Variants in ZSCAN25 observed in about 807,000 individuals in gnomAD.
ZSCAN25 encodes zinc finger and SCAN domain-containing protein 25.
A neutral mutation model predicts 38.7 loss-of-function variants in ZSCAN25; 27 were observed. The ratio of observed to expected loss-of-function variants is 0.70; its 90% CI spans 0.51 to 0.96. The LOEUF is 0.96. Among genes scored for constraint, ZSCAN25 ranks in the 40% least tolerant of loss-of-function variants. The pLI is 0.00. For missense variants in ZSCAN25, 637 were observed against 705.9 expected, an observed-to-expected ratio of 0.90 and a Z score of 1.11; for synonymous variants, 273 against 277.7, an observed-to-expected ratio of 0.98 and a Z score of 0.17.
chr7:99,708,968 G>T, the ZSCAN25 span: 4 of 1,558,556 alleles, frequency 2.6e-6, no homozygotes, highest in Non-Finnish European at 3.5e-6. Flanking sequence ...AGACTGTCCT[G>T]TAGAGAGGCA....
chr7:99,720,369 C>G, the ZSCAN25 span: 1 of 1,613,704 alleles, frequency 6.2e-7, no homozygotes. Context: ...TTGATCATGT[C>G]GGGATCTGTG....
chr7:99,648,957 C>T, the ZSCAN25 span, among the ~76,000 whole-genome samples: 14 of 152,136 alleles, frequency 9.2e-5, no homozygotes, highest in South Asian at 1.5e-3. Flanking sequence ...GGCTTCCAAG[C>T]GTAGTGCAAA....
the ZSCAN25 span, among the ~76,000 whole-genome samples, chr7:99,670,261 C>T: frequency 5.9e-3 from 891 of 152,236 alleles, 5 homozygotes; most frequent in Non-Finnish European, 9.0e-3. Context: ...GTGGGTTTGA[C>T]GGCCCATTTA....
chr7:99,688,829 A>G, the ZSCAN25 span, among the ~76,000 whole-genome samples: 1 of 152,268 alleles, frequency 6.6e-6, no homozygotes, highest in Non-Finnish European at 1.5e-5. Context: ...CTCAGACCAC[A>G]GTGCAATCAA....
chr7:99,630,789 C>G lies in ZSCAN25; in HGVS notation c.*769C>G, dbSNP rs566361939. The G allele has an allele frequency of 1.0e-6, 1 of 985,430 alleles. No individual in the cohort carries two copies. Among genetic ancestry groups the G allele is most frequent in the South Asian group, 4.7e-5 (1 of 21,288 alleles). The allele number at this position is 985,430 out of a possible 1,614,324, so 61.0% of individuals were successfully genotyped here. On this transcript the variant is annotated 3_prime_UTR_variant, in exon 8 of 8. Coordinates refer to ENST00000394152, the MANE Select transcript of ZSCAN25 (RefSeq NM_145115.3). ...TTCCTTGCACTATAACAACTGTCAA[C>G]ACACCAACTATTAGGAAGTTAGTAT...
chr7:99,671,561 A>T, the ZSCAN25 span: 1 of 378,124 alleles, frequency 2.6e-6, no homozygotes. Context: ...CCTTGATCTA[A>T]ATCTCATAAC....
the ZSCAN25 span, chr7:99,652,498 A>T: frequency 8.3e-7 from 1 of 1,200,366 alleles, no homozygotes; most frequent in Non-Finnish European, 1.2e-6. Context: ...GAGAGGCAGA[A>T]TATGCTTGAA....
chr7:99,624,326 G>A (rs567212243), intron 7 of ZSCAN25, 146 bp downstream of exon 7: 10 of 898,502 alleles, frequency 1.1e-5, no homozygotes, highest in African/African-American at 1.7e-5. Flanking sequence ...CATGGGGCAC[G>A]AGGAGCTGCT....
chr7:99,629,755 A>T lies in ZSCAN25; in HGVS notation c.1370A>T (p.Lys457Met). The T allele has an allele frequency of 6.2e-7, 1 of 1,614,226 alleles. No individual in the cohort carries two copies. Among genetic ancestry groups the T allele is most frequent in the Non-Finnish European group, 8.5e-7 (1 of 1,180,032 alleles). ...QVHRRTHTGE[K>M]PYTCECGKSF... Reference sequence around the variant, plus strand: ...CACCGGAGGACGCACACCGGGGAGAAGCCCTACACCTGCGAGTGTGGCAAG... The same window carrying T: ...CACCGGAGGACGCACACCGGGGAGATGCCCTACACCTGCGAGTGTGGCAAG... The change falls in exon 8 of 8, where the codon AAG (lysine) becomes ATG (methionine). Residue 457 changes from lysine (K) to methionine (M), a missense_variant. Physicochemically the swap from Lys to Met is moderately conservative, Grantham distance 95. Transcript: ENST00000394152. The surrounding 1 kb of genome is among the most constrained non-coding windows in gnomAD (Gnocchi z 5.6).
chr7:99,678,105 A>T, the ZSCAN25 span, among the ~76,000 whole-genome samples: 2 of 151,910 alleles, frequency 1.3e-5, no homozygotes, highest in African/African-American at 4.8e-5. Context: ...GCATTTTCTG[A>T]CTCCTGGGCT....
At chr7:99,708,093 G>C in the ZSCAN25 span, 27 of 1,422,500 alleles carry the variant, frequency 1.9e-5, no homozygotes, top group Non-Finnish European at 2.5e-5. Context: ...ATACTTTTGT[G>C]GGCTAGTCAC....
At chr7:99,733,549 T>C in the ZSCAN25 span, among the ~76,000 whole-genome samples, 1 of 152,192 alleles carries the variant, frequency 6.6e-6, no homozygotes, top group African/African-American at 2.4e-5. Flanking sequence ...GGCTAAGGTA[T>C]TGTCTGCCTG....
At chr7:99,718,570 C>G in the ZSCAN25 span, among the ~76,000 whole-genome samples, 2 of 152,290 alleles carry the variant, frequency 1.3e-5, no homozygotes, top group Non-Finnish European at 2.9e-5. Flanking sequence ...AAAAAACCCA[C>G]TTCATCTAAA....
At chr7:99,709,189 A>G in the ZSCAN25 span, 1 of 1,614,046 alleles carries the variant, frequency 6.2e-7, no homozygotes, top group Non-Finnish European at 8.5e-7. Flanking sequence ...GCAACTGGGA[A>G]TAATCTGAGT....
chr7:99,698,802 T>C, the ZSCAN25 span, among the ~76,000 whole-genome samples: 2 of 152,270 alleles, frequency 1.3e-5, no homozygotes, highest in Non-Finnish European at 2.9e-5. Flanking sequence ...TCCAAAAAAT[T>C]CTGATTTAAA....
At chr7:99,652,734 T>C in the ZSCAN25 span, 2 of 1,613,994 alleles carry the variant, frequency 1.2e-6, no homozygotes, top group African/African-American at 1.3e-5. Flanking sequence ...TTCACCACCA[T>C]GTCAAGGTAC....
the ZSCAN25 span, among the ~76,000 whole-genome samples, chr7:99,686,041 G>A: frequency 1.2e-3 from 176 of 152,262 alleles, no homozygotes; most frequent in Middle Eastern, 6.8e-3. Context: ...CAAGATGGCC[G>A]AATAGGAACA....
chr7:99,663,034 A>G, the ZSCAN25 span: 8 of 1,396,114 alleles, frequency 5.7e-6, no homozygotes, highest in Non-Finnish European at 7.5e-6. Flanking sequence ...ACCAGTGAAC[A>G]AAAACATTCA....
the ZSCAN25 span, among the ~76,000 whole-genome samples, chr7:99,693,472 C>G: frequency 6.6e-6 from 1 of 152,196 alleles, no homozygotes; most frequent in Admixed American, 6.5e-5. Context: ...GGCTGTCTGT[C>G]TCCTGTGTTT....
Sources: gnomAD v4.1 joint callset for allele counts (sites outside exome capture counted in the v4.1 genomes callset) on GRCh38, gnomAD v4.1.1 for gene constraint, Gnocchi (gnomAD v3.1) non-coding constraint, MANE v1.5 for transcripts, NCBI Gene and HGNC (gene_info 2026-07-23, HGNC 2026-07-21) for gene names.